ASB1: variants seen among roughly 807,000 people sequenced by gnomAD.
ASB1 encodes the protein ankyrin repeat and SOCS box protein 1.
In ASB1, 18 loss-of-function variants were observed where a neutral mutation model predicts 27.7. That is an observed-to-expected ratio of 0.65 (90% confidence interval 0.45 to 0.96). The LOEUF (loss-of-function observed/expected upper bound fraction) is 0.96. Ranked by LOEUF, ASB1 falls within the 50% of genes least tolerant of loss-of-function variation. The pLI is 0.00. For missense variants in ASB1, 397 were observed against 451.7 expected (o/e 0.88, Z 1.10); for synonymous variants, 189 against 187.6 (o/e 1.01, Z -0.06).
Position 238,446,361 on chromosome 2 carries a change from CTCTT to C in ASB1, c.881-18_881-15del, listed in dbSNP as rs1392008968. ...ATAGAATGAACCTTCCTCTATCCCT[CTCTT>C]TCTTCCCACGGCCTTCAGGTGTTCC... is the stretch of plus-strand genomic sequence containing the variant. On this transcript the variant is annotated intron_variant, in intron 4 of 4. Coordinates refer to ENST00000264607, the MANE Select transcript of ASB1 (RefSeq NM_001040445.3). 18 of 1,569,580 alleles carry C rather than the reference CTCTT, an allele frequency of 1.1e-5. No individual in the cohort carries two copies. The highest frequency in any genetic ancestry group is 1.7e-4 in the Middle Eastern group (1 of 5,826).
At position 238,435,972 on chromosome 2, in the gene ASB1, C is replaced by G; in HGVS notation, c.453C>G (p.Ala151=). 6.2e-7 allele frequency: 1 copy of G among 1,613,896 alleles called. No homozygotes were observed. Among genetic ancestry groups the G allele is most frequent in the African/African-American group, 1.3e-5 (1 of 75,066 alleles). The change falls in exon 3 of 5, where the codon GCC becomes GCG. Residue 151 remains alanine (A), a synonymous_variant. Transcript: ENST00000264607. ...RHHRSTPVYH[A]SRVGRADILK... is the part of the protein sequence containing the mutation. ...ATCGCAGCACCCCTGTCTACCACGCCTCTCGCGTGGGCCGGGCAGACATCC... is the reference window on the plus strand; with the variant it reads ...ATCGCAGCACCCCTGTCTACCACGCGTCTCGCGTGGGCCGGGCAGACATCC...
intron 2 of ASB1, among the ~76,000 whole-genome samples, 191 bp downstream of exon 2, chr2:238,433,886 A>G (rs748364845): frequency 3.7e-4 from 56 of 152,208 alleles, no homozygotes; most frequent in Non-Finnish European, 6.8e-4. Flanking sequence ...CAGTGTGGGC[A>G]GGGAGACCTG....
intron 3 of ASB1, among the ~76,000 whole-genome samples, chr2:238,443,347 A>G (rs1702114594): frequency 6.6e-6 from 1 of 152,220 alleles, no homozygotes; most frequent in Non-Finnish European, 1.5e-5. Context: ...TACTTTTTAT[A>G]TGAAGCCTAT....
rs74959107 is a variant in ASB1, at chr2:238,442,552, C to T, written c.495-1790C>T. ...CTTTTACTTACGTTGTTTTGTCATG[C>T]TTATGCTATGCAAGAGTTTTTCTTT... is the stretch of plus-strand genomic sequence containing the variant. On this transcript the variant is annotated intron_variant, in intron 3 of 4. Transcript: ENST00000264607. 8.9e-3 allele frequency among the ~76,000 whole-genome samples: 1,350 copies of T among 152,230 alleles called. 13 individuals are homozygous for T. The highest frequency in any genetic ancestry group is 0.014 in the Non-Finnish European group (940 of 68,024).
chr2:238,441,990 T>G (rs527296306), intron 3 of ASB1, among the ~76,000 whole-genome samples: 2 of 152,340 alleles, frequency 1.3e-5, no homozygotes, highest in South Asian at 4.1e-4. Flanking sequence ...TCAATAAATT[T>G]TTGGATTTTT....
At chr2:238,431,312 C>T (rs1259127338) in intron 1 of ASB1, among the ~76,000 whole-genome samples, 1 of 152,230 alleles carries the variant, frequency 6.6e-6, no homozygotes, top group Non-Finnish European at 1.5e-5. Context: ...TCACTCTTTG[C>T]TTCTGCACCT....
chr2:238,428,836 G>T (rs573810295), intron 1 of ASB1, among the ~76,000 whole-genome samples: 2 of 152,348 alleles, frequency 1.3e-5, no homozygotes, highest in South Asian at 4.1e-4. Context: ...GAGGCCAGCA[G>T]AGGGGGCCCA....
At position 238,451,295 on chromosome 2, in the gene ASB1, C is replaced by T. The variant is rs1049593069; in HGVS notation, c.*4784C>T. On this transcript the variant is annotated 3_prime_UTR_variant, in exon 5 of 5. Coordinates refer to ENST00000264607, the MANE Select transcript of ASB1 (RefSeq NM_001040445.3). ...GCCTTGACATGTCGTTGCTCAGTGCCTGGATTGCAGGCGAGTCTCTCTTTT... is the reference window on the plus strand; with the variant it reads ...GCCTTGACATGTCGTTGCTCAGTGCTTGGATTGCAGGCGAGTCTCTCTTTT... 1.3e-5 allele frequency: 2 copies of T among 152,264 alleles called. No individual in the cohort carries two copies. The highest frequency in any genetic ancestry group is 2.4e-5 in the African/African-American group (1 of 41,426). The allele number at this position is 152,264 out of a possible 1,614,324, so 9.4% of individuals were successfully genotyped here. A position where few individuals can be genotyped will look rare whatever the true frequency, so the allele number is the denominator to read the frequency against.
intron 3 of ASB1, among the ~76,000 whole-genome samples, chr2:238,444,076 A>C (rs568561085): frequency 6.6e-6 from 1 of 152,196 alleles, no homozygotes. Context: ...GAAATAGTTT[A>C]AATAGCCTTG....
At chr2:238,428,362 C>G (rs1490228690) in intron 1 of ASB1, among the ~76,000 whole-genome samples, 1 of 152,190 alleles carries the variant, frequency 6.6e-6, no homozygotes, top group Non-Finnish European at 1.5e-5. Flanking sequence ...GTGATCTCGG[C>G]CCACTGCAGC....
In ASB1 at chr2:238,448,004, A is replaced by AT. The variant is rs1402758949; in HGVS notation, c.*1495dup. ...CGAAGGGAAGAACAGTCCTCGGGTG[A>AT]TTCAGAGGGGAAAATGCAATCCGGG... On this transcript the variant is annotated 3_prime_UTR_variant, in exon 5 of 5. Coordinates refer to ENST00000264607, the MANE Select transcript of ASB1 (RefSeq NM_001040445.3). The AT allele has an allele frequency of 6.6e-6, 1 of 152,362 alleles. No individual in the cohort carries two copies. Among genetic ancestry groups the AT allele is most frequent in the Non-Finnish European group, 1.5e-5 (1 of 68,132 alleles). The allele number at this position is 152,362 out of a possible 1,614,324, so 9.4% of individuals were successfully genotyped here. A position where few individuals can be genotyped will look rare whatever the true frequency, so the allele number is the denominator to read the frequency against.
At chr2:238,437,655 T>C (rs1701999271) in intron 3 of ASB1, among the ~76,000 whole-genome samples, 2 of 152,096 alleles carry the variant, frequency 1.3e-5, no homozygotes. Flanking sequence ...TCTTTTACTC[T>C]GGAGACCAAA....
intron 2 of ASB1, among the ~76,000 whole-genome samples, chr2:238,434,347 T>A (rs1701927433): frequency 6.6e-6 from 1 of 152,218 alleles, no homozygotes; most frequent in South Asian, 2.1e-4. Context: ...CTCTGGACTG[T>A]TCTCTGATTG....
intron 1 of ASB1, among the ~76,000 whole-genome samples, chr2:238,430,622 C>A (rs565362836): frequency 2.0e-4 from 30 of 152,346 alleles, no homozygotes; most frequent in African/African-American, 7.0e-4. Flanking sequence ...TTCCAGAAGG[C>A]TTTCAGTTCA....
chr2:238,444,295 T>C, intron 3 of ASB1, 47 bp from the exon 4 acceptor site: 1 of 1,546,810 alleles, frequency 6.5e-7, no homozygotes. Context: ...ATCTGTGGGC[T>C]GTGGTCAGTC....
At chr2:238,428,450 C>T (rs987661007) in intron 1 of ASB1, among the ~76,000 whole-genome samples, 11 of 152,078 alleles carry the variant, frequency 7.2e-5, no homozygotes, top group African/African-American at 2.7e-4. Context: ...GCATCATGCC[C>T]GGCTAATTTT....
chr2:238,447,637 G>A lies in ASB1; in HGVS notation c.*1126G>A, dbSNP rs1702206267. ...GGCTGCAGCCTCAGAGCCCTCCCAG[G>A]TTGCTGCTGTTTCCAGTGAATCACA... On this transcript the variant is annotated 3_prime_UTR_variant, in exon 5 of 5. Transcript: ENST00000264607. 1 of 152,282 alleles carries A rather than the reference G, an allele frequency of 6.6e-6. No individual in the cohort carries two copies. The highest frequency in any genetic ancestry group is 2.1e-4 in the South Asian group (1 of 4,836). The allele number at this position is 152,282 out of a possible 1,614,324, so 9.4% of individuals were successfully genotyped here.
Position 238,447,810 on chromosome 2 carries a change from C to T in ASB1, c.*1299C>T, listed in dbSNP as rs1026144490. 2.0e-5 allele frequency: 3 copies of T among 152,186 alleles called. No homozygotes were observed. Among genetic ancestry groups the T allele is most frequent in the Admixed American group, 6.5e-5 (1 of 15,272 alleles). 9.4% of individuals were successfully genotyped at this position (152,186 alleles called of 1,614,324 possible). ...ATTTGTAAAACTTGAACAATGATAC[C>T]GTTTTATTTACTTAGTAGCATCACT... On this transcript the variant is annotated 3_prime_UTR_variant, in exon 5 of 5. Transcript: ENST00000264607.
chr2:238,440,478 A>G (rs1009939605), intron 3 of ASB1, among the ~76,000 whole-genome samples: 3 of 152,102 alleles, frequency 2.0e-5, no homozygotes, highest in Admixed American at 6.5e-5. Context: ...TGCCCTCCAC[A>G]TACTGCCTGT....
Sources: gnomAD v4.1 joint callset for allele counts (sites outside exome capture counted in the v4.1 genomes callset) on GRCh38, gnomAD v4.1.1 for gene constraint, MANE v1.5 for transcripts, NCBI Gene and HGNC (gene_info 2026-07-23, HGNC 2026-07-21) for gene names.